The following KRT84 variants were observed in gnomAD, a reference collection of about 807,000 sequenced individuals.
The protein encoded by KRT84 is keratin 84, also known as keratin, type II cuticular Hb4.
A neutral mutation model predicts 49.0 loss-of-function variants in KRT84; 38 were observed. That is an observed-to-expected ratio of 0.78 (90% CI 0.60 to 1.02). The LOEUF (loss-of-function observed/expected upper bound fraction) is 1.02. Among genes scored for constraint, KRT84 ranks in the 50% least tolerant of loss-of-function variants. The pLI, the probability that KRT84 is intolerant of heterozygous loss-of-function variation, is 0.00. For synonymous variants in KRT84, 334 were observed against 312.8 expected (o/e 1.07, Z -0.72); for missense variants, 860 against 788.6 (o/e 1.09, Z -1.08).
chr12:52,382,392 C>T (rs749648418), intron 4 of KRT84, 45 bp downstream of exon 4: 1 of 1,316,150 alleles, frequency 7.6e-7, no homozygotes, highest in East Asian at 2.3e-5. Context: ...GAGTCCAGGC[C>T]AAGCATTGAT....
Position 52,385,029 on chromosome 12 carries a change from A to G in KRT84, c.546+11T>C. ...TATTCCTAGACCCAGAGATTCAGCTATCATAGGTACCTTGTCAATGAAGGA... is the reference window on the plus strand; with the variant it reads ...TATTCCTAGACCCAGAGATTCAGCTGTCATAGGTACCTTGTCAATGAAGGA... On this transcript the variant is annotated intron_variant, in intron 1 of 8. Coordinates refer to ENST00000257951, the MANE Select transcript of KRT84 (RefSeq NM_033045.4). 6.3e-7 allele frequency: 1 copy of G among 1,599,052 alleles called. No homozygotes were observed. The highest frequency in any genetic ancestry group is 1.1e-5 in the South Asian group (1 of 87,860).
chr12:52,382,609 G>T, intron 3 of KRT84, 77 bp from the exon 4 acceptor site: 2 of 1,174,904 alleles, frequency 1.7e-6, no homozygotes. Context: ...GGAGATGGGT[G>T]CAAAGAGGCA....
Position 52,378,059 on chromosome 12 carries a change from G to A in KRT84, c.1778C>T (p.Thr593Ile). The A allele has an allele frequency of 1.3e-6, 2 of 1,482,988 alleles. No homozygotes were observed. The highest frequency in any genetic ancestry group is 1.8e-6 in the Non-Finnish European group (2 of 1,119,012). The allele number at this position is 1,482,988 out of a possible 1,614,324, so 91.9% of individuals were successfully genotyped here. ...RSSSVRFVST[T>I]TSCRTKY ...TCAGTACTTGGTCCGGCAGGAGGTG[G>A]TGGTGGACACAAAGCGGACGCTGGA... The change falls in exon 9 of 9, where the codon ACC (threonine) becomes ATC (isoleucine). Residue 593 changes from threonine (T) to isoleucine (I), a missense_variant. Transcript: ENST00000257951.
intron 8 of KRT84, 72 bp from the exon 9 acceptor site, chr12:52,378,452 C>A (rs1939425543): frequency 7.2e-6 from 9 of 1,255,104 alleles, no homozygotes; most frequent in African/African-American, 1.5e-5. Context: ...CCCTGGGCTG[C>A]ACCTCCGGGT....
In KRT84 at chr12:52,382,528, A is replaced by C. The variant is rs1939500408; in HGVS notation, c.821T>G (p.Val274Gly). ...AGACTTGTTCATGAAAGCTGCATCC[A>C]CATCCTGTATAAAACAGAGAAGGAT... ...ENEFVALKKD[V>G]DAAFMNKSDL... The change falls in exon 4 of 9, where the codon GTG becomes GGG. Residue 274 changes from valine (V) to glycine (G), a missense_variant. Physicochemically the swap from Val to Gly is moderately radical, Grantham distance 109. Transcript: ENST00000257951. The C allele has an allele frequency of 1.9e-6, 3 of 1,612,152 alleles. No individual in the cohort carries two copies. Among genetic ancestry groups the C allele is most frequent in the Non-Finnish European group, 2.5e-6 (3 of 1,178,290 alleles).
At chr12:52,382,832 T>C (rs1030585069) in intron 3 of KRT84, among the ~76,000 whole-genome samples, 173 bp downstream of exon 3, 2 of 152,234 alleles carry the variant, frequency 1.3e-5, no homozygotes. Flanking sequence ...AATCTGAGGC[T>C]GAACCTGAAC....
At position 52,377,944 on chromosome 12, in the gene KRT84, G is replaced by A. The variant is rs17714415; in HGVS notation, c.*90C>T. ...CTGGCAGAAAGGGGAGCTGGAGACC[G>A]TCAAGCCCAGAGCCCACGAACCCTG... On this transcript the variant is annotated 3_prime_UTR_variant, in exon 9 of 9. Coordinates refer to ENST00000257951, the MANE Select transcript of KRT84 (RefSeq NM_033045.4). 0.037 allele frequency: 38,090 copies of A among 1,021,418 alleles called. 848 individuals carry two copies. The highest frequency in any genetic ancestry group is 0.062 in the South Asian group (2,339 of 37,506). 63.3% of individuals were successfully genotyped at this position (1,021,418 alleles called of 1,614,324 possible). A position where few individuals can be genotyped will look rare whatever the true frequency, so the allele number is the denominator to read the frequency against.
rs1732304 is a variant in KRT84, at chr12:52,385,460, A to G, written c.126T>C (p.Pro42=). The change falls in exon 1 of 9, where the codon CCT becomes CCC. Residue 42 remains proline, a synonymous_variant. Coordinates refer to ENST00000257951, the MANE Select transcript of KRT84 (RefSeq NM_033045.4). The stretch of plus-strand genomic sequence containing the variant: ...CAAAGCTGCCAAGGCCCCGGAATCC[A>G]GGCCCACTCCAACAGGAGACAGAGT... ...RANSVSCWSG[P]GFRGLGSFGS... 351,404 of 1,613,994 alleles carry G rather than the reference A, an allele frequency of 0.22. 40,644 individuals are homozygous for G. The highest frequency in any genetic ancestry group is 0.4 in the African/African-American group (29,660 of 74,956).
chr12:52,379,500 T>C (rs992370672), intron 8 of KRT84, among the ~76,000 whole-genome samples: 3 of 152,210 alleles, frequency 2.0e-5, no homozygotes, highest in Non-Finnish European at 4.4e-5. Context: ...TTTGGCCTTA[T>C]TGCGTTCCCT....
chr12:52,385,449 C>A lies in KRT84; in HGVS notation c.137G>T (p.Gly46Val). The A allele has an allele frequency of 6.2e-7, 1 of 1,614,220 alleles. No individual in the cohort carries two copies. The highest frequency in any genetic ancestry group is 1.3e-5 in the African/African-American group (1 of 75,080). The change falls in exon 1 of 9, where the codon GGC becomes GTC. Residue 46 changes from glycine to valine, a missense_variant. Gly to Val is a moderately radical substitution (Grantham distance 109). Transcript: ENST00000257951. The stretch of plus-strand genomic sequence containing the variant: ...ACTCCGACTACCAAAGCTGCCAAGG[C>A]CCCGGAATCCAGGCCCACTCCAACA... ...VSCWSGPGFR[G>V]LGSFGSRSVI...
Position 52,385,588 on chromosome 12 carries a change from T to C in KRT84, c.-3A>G. On this transcript the variant is annotated 5_prime_UTR_variant, in exon 1 of 9. Coordinates refer to ENST00000257951, the MANE Select transcript of KRT84 (RefSeq NM_033045.4). ...ACTCGGTAGGAGCGGCAAGACATGA[T>C]GGCTTCCTGGTTGGGAGCAAAAGAG... 1 of 1,611,158 alleles carries C rather than the reference T, an allele frequency of 6.2e-7. No homozygotes were observed. The highest frequency in any genetic ancestry group is 8.5e-7 in the Non-Finnish European group (1 of 1,178,146).
intron 6 of KRT84, 78 bp from the exon 7 acceptor site, chr12:52,380,661 T>G: frequency 1.4e-6 from 2 of 1,404,096 alleles, no homozygotes; most frequent in Non-Finnish European, 1.9e-6. Context: ...ACGGCCCCTC[T>G]TAGTGGGAAC....
At position 52,380,598 on chromosome 12, in the gene KRT84, G is replaced by T. The variant is rs148603701; in HGVS notation, c.1204-15C>A. The T allele has an allele frequency of 1.3e-6, 2 of 1,595,378 alleles. No homozygotes were observed. The highest frequency in any genetic ancestry group is 1.3e-5 in the African/African-American group (1 of 74,628). ...AACTTGGCACGCTGCAGGGAAGGCA[G>T]TTTGCAGGTAGGCTTCGGCAGTGCC... On this transcript the variant is annotated splice_polypyrimidine_tract_variant and intron_variant, in intron 6 of 8. Transcript: ENST00000257951.
At chr12:52,380,709 G>C in intron 6 of KRT84, 126 bp from the exon 7 acceptor site, 1 of 1,004,204 alleles carries the variant, frequency 1.0e-6, no homozygotes, top group South Asian at 1.7e-5. Context: ...CCCCATGGTG[G>C]CTGCTTTCCC....
At chr12:52,380,299 CT>C in intron 7 of KRT84, 63 bp downstream of exon 7, 1 of 1,580,582 alleles carries the variant, frequency 6.3e-7, no homozygotes, top group Non-Finnish European at 8.6e-7. Context: ...GTCCCCTTCT[CT>C]TCCTTAGTCT....
chr12:52,385,759 A>G (rs1939565156), upstream of KRT84: 1 of 647,088 alleles, frequency 1.5e-6, no homozygotes, highest in Non-Finnish European at 2.6e-6. Context: ...TTGGGTAGTT[A>G]GCAGAAACTC....
rs577277002 is a variant in KRT84 at position 52,378,384 on chromosome 12, C to A, written c.1457-4G>T. 3 of 1,450,004 alleles carry A rather than the reference C, an allele frequency of 2.1e-6. No individual in the cohort carries two copies. Among genetic ancestry groups the A allele is most frequent in the Admixed American group, 2.5e-5 (1 of 39,476 alleles). The allele number at this position is 1,450,004 out of a possible 1,614,324, so 89.8% of individuals were successfully genotyped here. On this transcript the variant is annotated splice_region_variant and splice_polypyrimidine_tract_variant and intron_variant, in intron 8 of 8. Coordinates refer to ENST00000257951, the MANE Select transcript of KRT84 (RefSeq NM_033045.4). ...CCGCCCCGGGAGCTGCTGACGGCTG[C>A]GGAGAAAGAAAGCATCAGGGAGGCT...
intron 7 of KRT84, 124 bp from the exon 8 acceptor site, chr12:52,380,031 C>G: frequency 1.2e-6 from 1 of 833,788 alleles, no homozygotes; most frequent in Non-Finnish European, 2.0e-6. Flanking sequence ...CCTGGTTATA[C>G]ACACATCTGG....
At chr12:52,381,618 C>T (rs998043558) in intron 4 of KRT84, 93 bp from the exon 5 acceptor site, 2 of 1,210,682 alleles carry the variant, frequency 1.7e-6, no homozygotes, top group Admixed American at 1.9e-5. Context: ...GTGCCAGGGG[C>T]AGAGAGCATC....
Sources: allele counts gnomAD v4.1 joint callset (sites outside exome capture counted in the v4.1 genomes callset), GRCh38; gene constraint gnomAD v4.1.1; transcripts MANE v1.5; gene names NCBI Gene and HGNC (gene_info 2026-07-23, HGNC 2026-07-21).